TECTA: variants seen among roughly 807,000 people sequenced by gnomAD.
The protein encoded by TECTA is alpha-tectorin.
A neutral mutation model predicts 216.8 loss-of-function variants in TECTA; 128 were observed. The ratio of observed to expected loss-of-function variants is 0.59; its 90% CI spans 0.51 to 0.68. The LOEUF (loss-of-function observed/expected upper bound fraction) is 0.68, where lower values mean the gene tolerates loss of function less well. Among genes scored for constraint, TECTA ranks in the 30% least tolerant of loss-of-function variants. The pLI is 0.00. For missense variants in TECTA, 2,551 were observed against 2,786.2 expected, an observed-to-expected ratio of 0.92 and a Z score of 1.90; for synonymous variants, 1,089 against 1,117.1, an observed-to-expected ratio of 0.97 and a Z score of 0.50.
At chr11:121,161,531 T>C in intron 15 of TECTA, among the ~76,000 whole-genome samples, 2 of 21,910 alleles carry the variant, frequency 9.1e-5, no homozygotes, top group African/African-American at 1.6e-4. Context: ...CCCTCCCTCC[T>C]TCCCTCCCTC....
chr11:121,145,482 ACT>A, intron 11 of TECTA, 71 bp from the exon 12 acceptor site: 2 of 1,515,212 alleles, frequency 1.3e-6, no homozygotes, highest in Non-Finnish European at 1.8e-6. Context: ...CTTTCAAGAG[ACT>A]CATCGTTAGG....
intron 15 of TECTA, among the ~76,000 whole-genome samples, chr11:121,160,628 T>G (rs755575296): frequency 3.3e-5 from 5 of 152,198 alleles, no homozygotes; most frequent in Admixed American, 6.5e-5. Context: ...GAGTTGGGCT[T>G]AGATGATATA....
At chr11:121,172,441 T>A (rs943119520) in intron 20 of TECTA, among the ~76,000 whole-genome samples, 1 of 152,070 alleles carries the variant, frequency 6.6e-6, no homozygotes, top group African/African-American at 2.4e-5. Flanking sequence ...ATGCGGTGTT[T>A]GGTTTTTTGT....
chr11:121,178,337 T>A (rs921361692), intron 20 of TECTA, among the ~76,000 whole-genome samples: 19 of 152,234 alleles, frequency 1.2e-4, no homozygotes, highest in African/African-American at 4.6e-4. Flanking sequence ...AACCGTTCTA[T>A]TGTTCATTCT....
chr11:121,108,873 C>T (rs1293529695), intron 3 of TECTA, among the ~76,000 whole-genome samples: 1 of 149,572 alleles, frequency 6.7e-6, no homozygotes, highest in African/African-American at 2.5e-5. Flanking sequence ...CACACATGCA[C>T]ATCTCACCTG....
rs536894492 is a variant in TECTA at position 121,118,325 on chromosome 11, G to A, written c.810G>A (p.Gly270=). 12 of 1,614,154 alleles carry A rather than the reference G, an allele frequency of 7.4e-6. No homozygotes were observed. The highest frequency in any genetic ancestry group is 2.7e-5 in the African/African-American group (2 of 75,028). The change falls in exon 7 of 24, where the codon GGG becomes GGA. Residue 270 remains glycine (G), a synonymous_variant. Transcript: ENST00000392793. ...CCCCAGGACAATTCCTTCGGCGAGG[G>A]GAGGTGTTTTGGGATGACTTGAACT... is the stretch of plus-strand genomic sequence containing the variant. ...CTSRGQFLRR[G]EVFWDDLNCT...
chr11:121,188,984 G>T, intron 21 of TECTA, 96 bp from the exon 22 acceptor site: 1 of 1,266,252 alleles, frequency 7.9e-7, no homozygotes, highest in Non-Finnish European at 1.1e-6. Context: ...AATGCTTGAG[G>T]CCAGAGCCAC....
At chr11:121,131,030 T>C (rs566179700) in intron 10 of TECTA, among the ~76,000 whole-genome samples, 18 of 151,128 alleles carry the variant, frequency 1.2e-4, no homozygotes, top group Non-Finnish European at 2.1e-4. Flanking sequence ...CTGGCTAACA[T>C]GGGGAAACCC....
At chr11:121,151,127 T>G (rs758555578) in intron 12 of TECTA, among the ~76,000 whole-genome samples, 32 of 152,116 alleles carry the variant, frequency 2.1e-4, no homozygotes, top group Non-Finnish European at 3.7e-4. Context: ...ATGGCACATA[T>G]CGCATTTTAA....
chr11:121,163,328 G>A (rs1443791149), intron 16 of TECTA, among the ~76,000 whole-genome samples: 6 of 151,802 alleles, frequency 4.0e-5, no homozygotes, highest in Non-Finnish European at 8.8e-5. Flanking sequence ...AGAAATATTT[G>A]TTATTAGTAT....
chr11:121,175,010 T>C (rs1235111418), intron 20 of TECTA, among the ~76,000 whole-genome samples: 13 of 152,104 alleles, frequency 8.5e-5, no homozygotes, highest in Non-Finnish European at 1.5e-4. Flanking sequence ...TGATGGTAGT[T>C]TGTATTTCTG....
chr11:121,139,422 G>T (rs751194188), intron 11 of TECTA, among the ~76,000 whole-genome samples: 1 of 152,232 alleles, frequency 6.6e-6, no homozygotes, highest in Non-Finnish European at 1.5e-5. Context: ...GCTGAGCACG[G>T]TGGCTCATGT....
intron 20 of TECTA, among the ~76,000 whole-genome samples, chr11:121,178,516 TAG>T (rs1491367766): frequency 1.5e-3 from 89 of 60,056 alleles, no homozygotes; most frequent in African/African-American, 5.4e-3. Context: ...GGCTTGTAGT[TAG>T]TGTGTGTGTG....
Position 121,137,986 on chromosome 11 carries a change from C to T in TECTA, c.3507C>T (p.Ser1169=). The T allele has an allele frequency of 3.7e-6, 6 of 1,613,588 alleles. No homozygotes were observed. The highest frequency in any genetic ancestry group is 5.1e-6 in the Non-Finnish European group (6 of 1,179,568). The change falls in exon 11 of 24, where the codon AGC becomes AGT. Residue 1169 remains serine (S), a synonymous_variant. Coordinates refer to ENST00000392793, the MANE Select transcript of TECTA (RefSeq NM_005422.4). ...TGGACGTGACCGTGTTTGGCTACAG[C>T]ATCGTGATCCACCGAGCTTACAAGC... ...KQVDVTVFGY[S]IVIHRAYKHT...
Position 121,157,945 on chromosome 11 carries a change from T to C in TECTA, c.4410T>C (p.Cys1470=). The change falls in exon 14 of 24, where the codon TGT becomes TGC. Residue 1470 remains cysteine, a synonymous_variant. Coordinates refer to ENST00000392793, the MANE Select transcript of TECTA (RefSeq NM_005422.4). ...GCCAATGCAAGTCAGACGAGGAGTG[T>C]GCGCTGCGCAACGGGGTGCGCGGCT... ...DPRQCKSDEE[C]ALRNGVRGCF... 1 of 1,614,052 alleles carries C rather than the reference T, an allele frequency of 6.2e-7. No homozygotes were observed. Among genetic ancestry groups the C allele is most frequent in the South Asian group, 1.1e-5 (1 of 91,078 alleles).
intron 10 of TECTA, among the ~76,000 whole-genome samples, chr11:121,135,765 G>A (rs991765050): frequency 4.6e-5 from 7 of 152,202 alleles, no homozygotes; most frequent in African/African-American, 1.4e-4. Flanking sequence ...AGTTTTAAAG[G>A]CGAGATCTTA....
chr11:121,185,467 T>C (rs868514254), intron 20 of TECTA, among the ~76,000 whole-genome samples: 36 of 140,582 alleles, frequency 2.6e-4, no homozygotes, highest in East Asian at 1.4e-3. Context: ...GCTTAATGAA[T>C]GAGTAGGGAA....
At chr11:121,121,918 C>T (rs1347415727) in intron 7 of TECTA, among the ~76,000 whole-genome samples, 1 of 152,166 alleles carries the variant, frequency 6.6e-6, no homozygotes, top group Admixed American at 6.5e-5. Context: ...AGCACTCTTA[C>T]TAGCTGACCT....
rs2135049967 is a variant in TECTA at position 121,105,713 on chromosome 11, ACTTGCATTCAG to A, written c.65-111_65-101del. On this transcript the variant is annotated intron_variant, in intron 2 of 23. Transcript: ENST00000392793. The surrounding 1 kb of genome is among the most constrained non-coding windows in gnomAD (Gnocchi z 5.3). ...TTAGGATGAATGACAGGGCAGTATGACTTGCATTCAGCTTGCAAGCCCTACTGAAAGAAGCT... is the reference window on the plus strand; with the variant it reads ...TTAGGATGAATGACAGGGCAGTATGACTTGCAAGCCCTACTGAAAGAAGCT... The A allele has an allele frequency of 1.6e-6, 2 of 1,290,240 alleles. No individual in the cohort carries two copies. The highest frequency in any genetic ancestry group is 4.9e-5 in the East Asian group (2 of 40,842). The allele number at this position is 1,290,240 out of a possible 1,614,324, so 79.9% of individuals were successfully genotyped here.
Sources: allele counts gnomAD v4.1 joint callset (sites outside exome capture counted in the v4.1 genomes callset), GRCh38; gene constraint gnomAD v4.1.1; non-coding constraint Gnocchi (gnomAD v3.1); transcripts MANE v1.5; gene names NCBI Gene and HGNC (gene_info 2026-07-23, HGNC 2026-07-21).